The following RAPGEF5 variants were observed in gnomAD, a reference collection of about 807,000 sequenced individuals.
RAPGEF5 encodes the protein Rap guanine nucleotide exchange factor 5, also known as M-Ras-regulated GEF.
In RAPGEF5, 65 loss-of-function variants were observed where a neutral mutation model predicts 125.2. The ratio of observed to expected loss-of-function variants is 0.52; its 90% CI spans 0.43 to 0.64. The LOEUF (loss-of-function observed/expected upper bound fraction) is 0.64. Ranked by LOEUF, RAPGEF5 falls within the 30% of genes least tolerant of loss-of-function variation. RAPGEF5 has a pLI of 0.00. For synonymous variants in RAPGEF5, 391 were observed against 385.9 expected (o/e 1.01, Z -0.16); for missense variants, 958 against 1,048.1 (o/e 0.91, Z 1.19).
chr7:22,294,926 A>G (rs1030406336), intron 5 of RAPGEF5, among the ~76,000 whole-genome samples: 4 of 152,268 alleles, frequency 2.6e-5, no homozygotes, highest in African/African-American at 9.6e-5. Context: ...TAACAAAGAT[A>G]TCTATTCAAG....
At chr7:22,137,118 C>A in intron 21 of RAPGEF5, 135 bp from the exon 22 acceptor site, 1 of 661,174 alleles carries the variant, frequency 1.5e-6, no homozygotes, top group Non-Finnish European at 2.6e-6. Flanking sequence ...TCTGTTCAAT[C>A]CTGATTGCTT....
At chr7:22,310,144 A>C in intron 3 of RAPGEF5, 54 bp from the exon 4 acceptor site, 1 of 1,373,812 alleles carries the variant, frequency 7.3e-7, no homozygotes, top group African/African-American at 1.7e-5. Context: ...CCGTTTGCCA[A>C]AAAAACAAAA....
chr7:22,206,602 C>T (rs925398720), intron 9 of RAPGEF5, among the ~76,000 whole-genome samples: 1 of 149,080 alleles, frequency 6.7e-6, no homozygotes, highest in Non-Finnish European at 1.5e-5. Flanking sequence ...ACTCTGGAGG[C>T]TGAGGTGGGA....
intron 25 of RAPGEF5, among the ~76,000 whole-genome samples, chr7:22,124,585 G>T (rs957044360): frequency 6.6e-6 from 1 of 152,082 alleles, no homozygotes; most frequent in South Asian, 2.1e-4. Flanking sequence ...TCTTAAGCAG[G>T]TGTACTCAAT....
chr7:22,218,115 C>G (rs141492966), intron 9 of RAPGEF5, among the ~76,000 whole-genome samples: 3,235 of 152,226 alleles, frequency 0.021, 105 homozygotes, highest in African/African-American at 0.074. Flanking sequence ...ATCCCTACCC[C>G]CTCCTCTCAC....
intron 9 of RAPGEF5, among the ~76,000 whole-genome samples, chr7:22,195,414 G>A (rs912159819): frequency 6.6e-6 from 1 of 152,052 alleles, no homozygotes; most frequent in Non-Finnish European, 1.5e-5. Context: ...TCTTAAAAAC[G>A]AAAAATATTT....
At chr7:22,253,254 C>A (rs1786669515) in intron 7 of RAPGEF5, among the ~76,000 whole-genome samples, 1 of 152,212 alleles carries the variant, frequency 6.6e-6, no homozygotes, top group South Asian at 2.1e-4. Context: ...GGGGAAAACA[C>A]ATGACACTTC....
chr7:22,131,141 A>G, intron 23 of RAPGEF5, 40 bp from the exon 24 acceptor site: 1 of 1,505,284 alleles, frequency 6.6e-7, no homozygotes, highest in Non-Finnish European at 8.9e-7. Flanking sequence ...ATCATTAGGA[A>G]TGGATCATGA....
chr7:22,283,986 T>C (rs1026231673), intron 6 of RAPGEF5, among the ~76,000 whole-genome samples: 6 of 152,130 alleles, frequency 3.9e-5, no homozygotes, highest in Non-Finnish European at 7.4e-5. Context: ...GAGTTAAAAA[T>C]TAAGTTACCA....
intron 23 of RAPGEF5, among the ~76,000 whole-genome samples, chr7:22,133,904 C>T (rs1175572484): frequency 6.6e-6 from 1 of 152,084 alleles, no homozygotes; most frequent in African/African-American, 2.4e-5. Flanking sequence ...TCAGGTAATC[C>T]ACTTAATTGA....
intron 18 of RAPGEF5, among the ~76,000 whole-genome samples, chr7:22,149,082 C>T (rs1167292205): frequency 1.3e-5 from 2 of 152,230 alleles, no homozygotes; most frequent in East Asian, 1.9e-4. Context: ...ATTTAAAAAT[C>T]GAAGCACTCT....
chr7:22,193,053 C>T (rs1029926420), intron 11 of RAPGEF5: 1 of 431,572 alleles, frequency 2.3e-6, no homozygotes, highest in Admixed American at 3.9e-5. Flanking sequence ...TTCCATTGAA[C>T]ATGGGCTATT....
At position 22,219,866 on chromosome 7, in the gene RAPGEF5, G is replaced by C; in HGVS notation, c.996C>G (p.His332Gln). ...TDKKEQEKSE[H>Q]QDDEVTTVQV... is the part of the protein sequence containing the mutation. ...CATCCCCAAGAGGCAAAAGGCTTAC[G>C]TGTTCAGACTTCTCCTGTTCTTTTT... Residue 332 changes from histidine to glutamine, a missense_variant and splice_region_variant, in exon 9 of 26, where the codon CAC (histidine) becomes CAG (glutamine). Physicochemically the swap from His to Gln is conservative, Grantham distance 24. Transcript: ENST00000665637. 6.2e-7 allele frequency: 1 copy of C among 1,604,602 alleles called. No individual in the cohort carries two copies. The highest frequency in any genetic ancestry group is 8.5e-7 in the Non-Finnish European group (1 of 1,173,084).
chr7:22,351,542 G>A lies in RAPGEF5; in HGVS notation c.231+5288C>T, dbSNP rs146141138. Among the ~76,000 whole-genome samples, 909 of 152,234 alleles carry A rather than the reference G, an allele frequency of 6.0e-3. 43 individuals carry two copies. Among genetic ancestry groups the A allele is most frequent in the Admixed American group, 0.046 (703 of 15,290 alleles). ...CTTCTGGCACACACTCTGTAACCTC[G>A]GGCAAATTACACCTGTGTTTCAGTT... On this transcript the variant is annotated intron_variant, in intron 1 of 25. Transcript: ENST00000665637.
intron 15 of RAPGEF5, among the ~76,000 whole-genome samples, chr7:22,157,537 G>C (rs2240472): frequency 0.32 from 48,510 of 152,038 alleles, 8,358 homozygotes; most frequent in Non-Finnish European, 0.38. Flanking sequence ...CTTCTACCTG[G>C]ATTTTGTTTT....
intron 23 of RAPGEF5, among the ~76,000 whole-genome samples, chr7:22,132,943 A>T (rs1782960219): frequency 6.6e-6 from 1 of 152,216 alleles, no homozygotes; most frequent in African/African-American, 2.4e-5. Flanking sequence ...AAACAAAGGG[A>T]GGCTGGCTCC....
intron 5 of RAPGEF5, among the ~76,000 whole-genome samples, chr7:22,297,690 T>A (rs1307291866): frequency 2.0e-5 from 3 of 152,246 alleles, no homozygotes; most frequent in Admixed American, 6.5e-5. Context: ...TGATTTTTTT[T>A]ATGTATATAA....
chr7:22,226,766 T>C (rs1382203632), intron 8 of RAPGEF5, among the ~76,000 whole-genome samples: 1 of 152,190 alleles, frequency 6.6e-6, no homozygotes, highest in Non-Finnish European at 1.5e-5. Flanking sequence ...GGCAAGGCAA[T>C]GGACATTCAG....
At chr7:22,343,086 G>A (rs1055641092) in intron 1 of RAPGEF5, among the ~76,000 whole-genome samples, 1 of 152,206 alleles carries the variant, frequency 6.6e-6, no homozygotes. Flanking sequence ...AGGTTTAATG[G>A]ACTTACAGTC....
Sources: gnomAD v4.1 joint callset for allele counts (sites outside exome capture counted in the v4.1 genomes callset) on GRCh38, gnomAD v4.1.1 for gene constraint, MANE v1.5 for transcripts, NCBI Gene and HGNC (gene_info 2026-07-23, HGNC 2026-07-21) for gene names.